Variants in FZR1 observed in about 807,000 individuals in gnomAD.
The protein encoded by FZR1 is fizzy and cell division cycle 20 related 1.
In FZR1, 11 loss-of-function variants were observed where a neutral mutation model predicts 63.6. The ratio of observed to expected loss-of-function variants is 0.17; its 90% CI spans 0.11 to 0.29. FZR1 has a LOEUF of 0.29. FZR1 is among the 10% of genes least tolerant of loss of function. FZR1 has a pLI of 1.00. For synonymous variants in FZR1, 328 were observed against 297.9 expected, an observed-to-expected ratio of 1.10 and a Z score of -1.04; for missense variants, 440 against 687.5, an observed-to-expected ratio of 0.64 and a Z score of 4.03.
intron 7 of FZR1, among the ~76,000 whole-genome samples, chr19:3,528,865 GAGTGGATGGGAA>G (rs1176462375): frequency 1.3e-5 from 2 of 150,450 alleles, no homozygotes; most frequent in Admixed American, 1.3e-4. Context: ...GTGGATGAGA[GAGTGGATGGGAA>G]AGTGGATGAG....
chr19:3,514,158 C>T lies in FZR1; in HGVS notation c.-35+7684C>T, dbSNP rs2083042246. On this transcript the variant is annotated intron_variant, in intron 1 of 13. Coordinates refer to ENST00000441788, the MANE Select transcript of FZR1 (RefSeq NM_016263.4). The surrounding 1 kb of genome is among the most constrained non-coding windows in gnomAD (Gnocchi z 4.2). The stretch of plus-strand genomic sequence containing the variant: ...AGACAGCCCCTCACGCTTTGCGTCC[C>T]CACTCAGGGACACCTCAAAGTCGAG... 6.6e-6 allele frequency among the ~76,000 whole-genome samples: 1 copy of T among 152,168 alleles called. No individual in the cohort carries two copies. The highest frequency in any genetic ancestry group is 1.5e-5 in the Non-Finnish European group (1 of 68,022).
intron 1 of FZR1, among the ~76,000 whole-genome samples, chr19:3,511,251 T>C (rs972470411): frequency 2.6e-5 from 4 of 152,230 alleles, no homozygotes; most frequent in Middle Eastern, 3.4e-3. Flanking sequence ...CAACCTCGGG[T>C]CTTTTATCTG....
intron 1 of FZR1, among the ~76,000 whole-genome samples, chr19:3,517,881 G>C (rs2083070362): frequency 6.9e-6 from 1 of 144,350 alleles, no homozygotes; most frequent in Admixed American, 7.1e-5. Context: ...TCCTTCCTGA[G>C]ACAGTGTCTT....
At chr19:3,520,509 G>A (rs1244544594) in intron 1 of FZR1, among the ~76,000 whole-genome samples, 5 of 152,206 alleles carry the variant, frequency 3.3e-5, no homozygotes, top group Non-Finnish European at 7.3e-5. Flanking sequence ...GGTGGGCGCT[G>A]GCACCCGTCC....
At chr19:3,521,506 C>CTT (rs60474623) in intron 1 of FZR1, among the ~76,000 whole-genome samples, 59 of 143,946 alleles carry the variant, frequency 4.1e-4, no homozygotes, top group African/African-American at 1.3e-3. Context: ...GAACTGTACG[C>CTT]TTTTTTTTTT....
At position 3,515,139 on chromosome 19, in the gene FZR1, G is replaced by A. The variant is rs982815425; in HGVS notation, c.-34-7817G>A. Among the ~76,000 whole-genome samples the A allele has an allele frequency of 6.6e-6, 1 of 152,146 alleles. No homozygotes were observed. Among genetic ancestry groups the A allele is most frequent in the Non-Finnish European group, 1.5e-5 (1 of 68,016 alleles). On this transcript the variant is annotated intron_variant, in intron 1 of 13. Transcript: ENST00000441788. This position sits in a 1 kb window ranked among gnomAD's most constrained non-coding sequence, Gnocchi z 4.6. ...AGCAGCATCCCCACTAGGCACCCCC[G>A]GGCCAGGGACAAGAACCTCTGCAGG...
At position 3,530,440 on chromosome 19, in the gene FZR1, GAGAGCGCATGGGAGAGCGCATGGA is replaced by G. The variant is rs1568239020; in HGVS notation, c.655-351_655-328del. Among the ~76,000 whole-genome samples the G allele has an allele frequency of 2.9e-3, 257 of 87,132 alleles. 3 individuals carry two copies. Among genetic ancestry groups the G allele is most frequent in the South Asian group, 5.6e-3 (12 of 2,134 alleles). 57.2% of individuals were successfully genotyped at this position (87,132 alleles called of 152,430 possible). ...GGAGAGCGCATGGGAGAGCGGATGG[GAGAGCGCATGGGAGAGCGCATGGA>G]TGAGCGCATGGGAGAGCGCATGGGT... On this transcript the variant is annotated intron_variant, in intron 7 of 13. Transcript: ENST00000441788.
In FZR1 at chr19:3,519,720, A is replaced by G. The variant is rs867908814; in HGVS notation, c.-34-3236A>G. Among the ~76,000 whole-genome samples, 5 of 152,154 alleles carry G rather than the reference A, an allele frequency of 3.3e-5. 1 individual carries two copies. In the South Asian group the frequency reaches 8.3e-4, roughly 25 times the overall value. ...CTGCACAGCCTGGACTGAGCACTGCACTTCCGACGGAGACTCCCCCAGGAG... is the reference window on the plus strand; with the variant it reads ...CTGCACAGCCTGGACTGAGCACTGCGCTTCCGACGGAGACTCCCCCAGGAG... On this transcript the variant is annotated intron_variant, in intron 1 of 13. Coordinates refer to ENST00000441788, the MANE Select transcript of FZR1 (RefSeq NM_016263.4).
rs774059225 is a variant in FZR1, at chr19:3,525,821, G to C, written c.70-47G>C. ...GAGAGGCTGGCCTGGGGGCACTCTCGGGGGGCTCTCGGTGCTGAGAGCAAG... is the reference window on the plus strand; with the variant it reads ...GAGAGGCTGGCCTGGGGGCACTCTCCGGGGGCTCTCGGTGCTGAGAGCAAG... On this transcript the variant is annotated intron_variant, in intron 2 of 13. Transcript: ENST00000441788. This position sits in a 1 kb window ranked among gnomAD's most constrained non-coding sequence, Gnocchi z 4.2. The C allele has an allele frequency of 1.9e-6, 3 of 1,595,092 alleles. No individual in the cohort carries two copies. The African/African-American group carries it at 4.0e-5, about 21-fold the overall frequency.
At chr19:3,508,545 G>A (rs897363577) in intron 1 of FZR1, among the ~76,000 whole-genome samples, 1 of 152,204 alleles carries the variant, frequency 6.6e-6, no homozygotes, top group Non-Finnish European at 1.5e-5. Flanking sequence ...TTCTGGTAGA[G>A]GGGTTTTGTA....
At position 3,526,970 on chromosome 19, in the gene FZR1, C is replaced by T. The variant is rs780985301; in HGVS notation, c.388-10C>T. ...GCGTGCGCTCAGCTGGCATGTCCCC[C>T]GCTCCACAGTATTCCCTTAGCACCA... On this transcript the variant is annotated splice_polypyrimidine_tract_variant and intron_variant, in intron 5 of 13. Coordinates refer to ENST00000441788, the MANE Select transcript of FZR1 (RefSeq NM_016263.4). The surrounding 1 kb of genome is among the most constrained non-coding windows in gnomAD (Gnocchi z 5.4). 1.8e-5 allele frequency: 29 copies of T among 1,604,478 alleles called. No homozygotes were observed. The highest frequency in any genetic ancestry group is 2.2e-5 in the East Asian group (1 of 44,866).
In FZR1 at chr19:3,534,477, G is replaced by A. The variant is rs1307207586; in HGVS notation, c.1404G>A (p.Arg468=). ...IVTGAGDETL[R]FWNVFSKTRS... is the part of the protein sequence containing the mutation. ...CTGGTGCTGGAGACGAGACCCTGAG[G>A]TTCTGGAACGTCTTTAGCAAAACCC... is the stretch of plus-strand genomic sequence containing the variant. The change falls in exon 13 of 14, where the codon AGG becomes AGA. Residue 468 remains arginine (R), a synonymous_variant. Transcript: ENST00000441788. 2 of 1,610,742 alleles carry A rather than the reference G, an allele frequency of 1.2e-6. No homozygotes were observed. Among genetic ancestry groups the A allele is most frequent in the African/African-American group, 1.3e-5 (1 of 74,998 alleles).
rs2083190394 is a variant in FZR1, at chr19:3,528,722, A to ATGGGTGC, written c.654+908_654+909insTGGGTGC. Among the ~76,000 whole-genome samples the ATGGGTGC allele has an allele frequency of 6.6e-5, 7 of 106,572 alleles. No individual in the cohort carries two copies. In the South Asian group the frequency reaches 2.0e-3, roughly 31 times the overall value. 69.9% of individuals were successfully genotyped at this position (106,572 alleles called of 152,430 possible). A position where few individuals can be genotyped will look rare whatever the true frequency, so the allele number is the denominator to read the frequency against. ...GAGTGGATGGGTGAGCAGATTAGGG[A>ATGGGTGC]GTGGATGGGTGAGTGGATGGGAGAG... On this transcript the variant is annotated intron_variant, in intron 7 of 13. Transcript: ENST00000441788.
In FZR1 at chr19:3,527,012, T is replaced by C. The variant is rs775055578; in HGVS notation, c.420T>C (p.Asp140=). Residue 140 remains aspartate, a synonymous_variant, in exon 6 of 14, where the codon GAT becomes GAC. Coordinates refer to ENST00000441788, the MANE Select transcript of FZR1 (RefSeq NM_016263.4). ...TTAGCACCAAGCGCTCCAGCCCCGA[T>C]GACGGCAACGATGTGTCTCCCTACT... The part of the protein sequence containing the change: ...YSLSTKRSSP[D]DGNDVSPYSL... 3.7e-6 allele frequency: 6 copies of C among 1,612,602 alleles called. No individual in the cohort carries two copies. Among genetic ancestry groups the C allele is most frequent in the African/African-American group, 1.3e-5 (1 of 74,920 alleles).
chr19:3,526,077 A>C lies in FZR1; in HGVS notation c.196-43A>C, dbSNP rs752733834. On this transcript the variant is annotated intron_variant, in intron 3 of 13. Transcript: ENST00000441788. The surrounding 1 kb of genome is among the most constrained non-coding windows in gnomAD (Gnocchi z 5.4). ...CCTCCTTGCTCTAGGGCCGGGAACA[A>C]GCGGGCTCCTCGACCCCTCCCTCTC... 2.5e-6 allele frequency: 4 copies of C among 1,611,644 alleles called. No individual in the cohort carries two copies. In the South Asian group the frequency reaches 3.3e-5, roughly 13 times the overall value.
In FZR1 at chr19:3,526,242, G is replaced by A. The variant is rs1388097359; in HGVS notation, c.260-17G>A. 1.2e-6 allele frequency: 2 copies of A among 1,611,814 alleles called. No homozygotes were observed. The highest frequency in any genetic ancestry group is 1.7e-5 in the Admixed American group (1 of 59,978). On this transcript the variant is annotated splice_polypyrimidine_tract_variant and intron_variant, in intron 4 of 13. Transcript: ENST00000441788. This position sits in a 1 kb window ranked among gnomAD's most constrained non-coding sequence, Gnocchi z 5.4. ...CCACCCTGCCTTGCCCCGCCTCACT[G>A]TGCTTGGTGCCCGCAGACGGCCTGG... is the stretch of plus-strand genomic sequence containing the variant.
At chr19:3,530,626 G>A (rs1343299703) in intron 7 of FZR1, among the ~76,000 whole-genome samples, 166 bp from the exon 8 acceptor site, 5 of 151,896 alleles carry the variant, frequency 3.3e-5, no homozygotes, top group Non-Finnish European at 7.4e-5. Flanking sequence ...GAGCAGATGG[G>A]TGAGTGGATG....
chr19:3,515,491 G>A lies in FZR1; in HGVS notation c.-34-7465G>A, dbSNP rs554547756. ...ATACAGAATTCTAGAAGTACAGGCC[G>A]GGCGCGGTGGCTCACGCTTGTAATC... On this transcript the variant is annotated intron_variant, in intron 1 of 13. Transcript: ENST00000441788. This position sits in a 1 kb window ranked among gnomAD's most constrained non-coding sequence, Gnocchi z 4.6. Among the ~76,000 whole-genome samples the A allele has an allele frequency of 2.6e-5, 4 of 152,244 alleles. No homozygotes were observed. The highest frequency in any genetic ancestry group is 4.8e-5 in the African/African-American group (2 of 41,548).
At chr19:3,522,770 C>T (rs2083114711) in intron 1 of FZR1, among the ~76,000 whole-genome samples, 186 bp from the exon 2 acceptor site, 1 of 152,182 alleles carries the variant, frequency 6.6e-6, no homozygotes, top group Non-Finnish European at 1.5e-5. Flanking sequence ...CTGTGGGCAG[C>T]AGCCGAGGCC....
Sources: allele counts gnomAD v4.1 joint callset (sites outside exome capture counted in the v4.1 genomes callset), GRCh38; gene constraint gnomAD v4.1.1; non-coding constraint Gnocchi (gnomAD v3.1); transcripts MANE v1.5; gene names NCBI Gene and HGNC (gene_info 2026-07-23, HGNC 2026-07-21).